UBE2E2: variants seen among roughly 807,000 people sequenced by gnomAD.
UBE2E2 encodes ubiquitin-conjugating enzyme E2 E2.
A neutral mutation model predicts 24.7 loss-of-function variants in UBE2E2; 6 were observed. That is an observed-to-expected ratio of 0.24 (90% CI 0.13 to 0.48). The LOEUF (loss-of-function observed/expected upper bound fraction) is 0.48. UBE2E2 is among the 20% of genes least tolerant of loss of function. The pLI is 0.99. For synonymous variants in UBE2E2, 104 were observed against 83.6 expected, an observed-to-expected ratio of 1.24 and a Z score of -1.33; for missense variants, 169 against 245.0, an observed-to-expected ratio of 0.69 and a Z score of 2.07.
intron 3 of UBE2E2, among the ~76,000 whole-genome samples, chr3:23,337,792 G>C (rs1259997129): frequency 3.3e-5 from 5 of 152,214 alleles, no homozygotes; most frequent in Non-Finnish European, 7.4e-5. Flanking sequence ...GTAGGAGTTA[G>C]ATCATGCAGT....
chr3:23,265,454 T>C (rs1005098312), intron 3 of UBE2E2, among the ~76,000 whole-genome samples: 29 of 152,284 alleles, frequency 1.9e-4, no homozygotes, highest in Middle Eastern at 3.4e-3. Context: ...GCAGCTGTTC[T>C]ATCCTGAACT....
At chr3:23,274,278 G>T (rs1051333918) in intron 3 of UBE2E2, among the ~76,000 whole-genome samples, 1 of 152,072 alleles carries the variant, frequency 6.6e-6, no homozygotes, top group African/African-American at 2.4e-5. Context: ...TTAAGAAAAT[G>T]ATTTTTTTCC....
chr3:23,207,644 G>T (rs1410479294), intron 1 of UBE2E2, among the ~76,000 whole-genome samples: 1 of 152,148 alleles, frequency 6.6e-6, no homozygotes, highest in Non-Finnish European at 1.5e-5. Flanking sequence ...ATTGAATAGG[G>T]ATTTGAAAGT....
At chr3:23,511,429 A>C (rs185659602) in intron 4 of UBE2E2, among the ~76,000 whole-genome samples, 5 of 152,346 alleles carry the variant, frequency 3.3e-5, no homozygotes, top group Admixed American at 3.3e-4. Flanking sequence ...GTTGCCTGTG[A>C]GGAACTTATG....
intron 5 of UBE2E2, among the ~76,000 whole-genome samples, chr3:23,543,929 C>A (rs773002973): frequency 2.6e-5 from 4 of 152,110 alleles, no homozygotes; most frequent in Non-Finnish European, 5.9e-5. Context: ...GCCAACTGAT[C>A]TTCAGCAAGG....
intron 3 of UBE2E2, among the ~76,000 whole-genome samples, chr3:23,262,425 A>G (rs768358217): frequency 2.0e-5 from 3 of 152,072 alleles, no homozygotes; most frequent in Admixed American, 6.6e-5. Context: ...CTACAGGTGC[A>G]TGCCACCACA....
chr3:23,203,460 C>CT lies in UBE2E2; in HGVS notation c.-12dup, dbSNP rs1559436869. 19 of 982,658 alleles carry CT rather than the reference C, an allele frequency of 1.9e-5. No homozygotes were observed. In the South Asian group the frequency reaches 2.8e-4, roughly 15 times the overall value. The allele number at this position is 982,658 out of a possible 1,614,324, so 60.9% of individuals were successfully genotyped here. A position where few individuals can be genotyped will look rare whatever the true frequency, so the allele number is the denominator to read the frequency against. ...CTGCGACCTGCACGGACACCCCCCC[C>CT]TCAGGTATTCGCTCGGGCCGCGCCG... On this transcript the variant is annotated 5_prime_UTR_variant, in exon 1 of 6. Transcript: ENST00000396703.
At chr3:23,506,726 C>T (rs760046513) in intron 4 of UBE2E2, among the ~76,000 whole-genome samples, 18 of 152,062 alleles carry the variant, frequency 1.2e-4, no homozygotes, top group Non-Finnish European at 2.2e-4. Context: ...CTCAGCCTCC[C>T]GGGCTCAAGC....
At chr3:23,312,685 C>G (rs1388990332) in intron 3 of UBE2E2, among the ~76,000 whole-genome samples, 1 of 152,016 alleles carries the variant, frequency 6.6e-6, no homozygotes, top group African/African-American at 2.4e-5. Context: ...TTTGCTCTTG[C>G]TTTCCTAGTT....
chr3:23,582,600 A>T (rs1696509293), intron 5 of UBE2E2, among the ~76,000 whole-genome samples: 1 of 152,064 alleles, frequency 6.6e-6, no homozygotes, highest in East Asian at 1.9e-4. Context: ...GGTCATTCTG[A>T]CTGGTATGTG....
In UBE2E2 at chr3:23,580,939, C is replaced by T. The variant is rs564586262; in HGVS notation, c.509-8795C>T. On this transcript the variant is annotated intron_variant, in intron 5 of 5. Coordinates refer to ENST00000396703, the MANE Select transcript of UBE2E2 (RefSeq NM_152653.4). ...ACAAAATATCTTAAGTTTTAAAAATCCTTATGGTAATGTCACGTAACTTCC... is the reference window on the plus strand; with the variant it reads ...ACAAAATATCTTAAGTTTTAAAAATTCTTATGGTAATGTCACGTAACTTCC... 2.6e-5 allele frequency among the ~76,000 whole-genome samples: 4 copies of T among 152,180 alleles called. No individual in the cohort carries two copies. In the South Asian group the frequency reaches 8.3e-4, roughly 32 times the overall value.
intron 3 of UBE2E2, among the ~76,000 whole-genome samples, chr3:23,436,147 A>G (rs1698177103): frequency 6.6e-6 from 1 of 151,326 alleles, no homozygotes; most frequent in African/African-American, 2.4e-5. Flanking sequence ...ACAGACTGTT[A>G]GCAGTCTGTG....
intron 3 of UBE2E2, among the ~76,000 whole-genome samples, chr3:23,420,012 A>T (rs1293469574): frequency 6.6e-6 from 1 of 152,218 alleles, no homozygotes; most frequent in African/African-American, 2.4e-5. Flanking sequence ...GCATGTACAT[A>T]CAAGAATAAA....
chr3:23,361,168 T>C (rs1696104140), intron 3 of UBE2E2, among the ~76,000 whole-genome samples: 1 of 152,018 alleles, frequency 6.6e-6, no homozygotes, highest in East Asian at 1.9e-4. Flanking sequence ...AATTTAAAAA[T>C]AAAAAATAAT....
At chr3:23,213,324 G>A (rs1317916204) in intron 2 of UBE2E2, among the ~76,000 whole-genome samples, 4 of 151,764 alleles carry the variant, frequency 2.6e-5, no homozygotes, top group Non-Finnish European at 4.4e-5. Context: ...TGAGTGTTTC[G>A]TATCTTCTCT....
chr3:23,399,104 A>G (rs1697150287), intron 3 of UBE2E2, among the ~76,000 whole-genome samples: 1 of 152,148 alleles, frequency 6.6e-6, no homozygotes, highest in South Asian at 2.1e-4. Context: ...ACTAATAGGC[A>G]TTTATCACGT....
intron 5 of UBE2E2, among the ~76,000 whole-genome samples, chr3:23,576,227 A>T (rs1279345573): frequency 6.6e-6 from 1 of 152,214 alleles, no homozygotes; most frequent in East Asian, 1.9e-4. Flanking sequence ...AAGTATTATG[A>T]AAGAAACAAA....
At position 23,583,784 on chromosome 3, in the gene UBE2E2, G is replaced by T. The variant is rs1294017674; in HGVS notation, c.509-5950G>T. ...TGATTTTGTATCCTGACACTTTGCT[G>T]AAGTTGTTTATCAGGTCAGGGAGCT... On this transcript the variant is annotated intron_variant, in intron 5 of 5. Coordinates refer to ENST00000396703, the MANE Select transcript of UBE2E2 (RefSeq NM_152653.4). The surrounding 1 kb of genome is among the most constrained non-coding windows in gnomAD (Gnocchi z 4.1). 1.3e-5 allele frequency among the ~76,000 whole-genome samples: 2 copies of T among 152,202 alleles called. No individual in the cohort carries two copies. The highest frequency in any genetic ancestry group is 4.8e-5 in the African/African-American group (2 of 41,450).
intron 5 of UBE2E2, among the ~76,000 whole-genome samples, chr3:23,570,107 T>C (rs780804697): frequency 6.6e-6 from 1 of 152,196 alleles, no homozygotes; most frequent in Non-Finnish European, 1.5e-5. Flanking sequence ...ATCTAATATC[T>C]TCTTTCTACT....
Sources: allele counts gnomAD v4.1 joint callset (sites outside exome capture counted in the v4.1 genomes callset), GRCh38; gene constraint gnomAD v4.1.1; non-coding constraint Gnocchi (gnomAD v3.1); transcripts MANE v1.5; gene names NCBI Gene and HGNC (gene_info 2026-07-23, HGNC 2026-07-21).